The following PRDM14 variants were observed in gnomAD, a reference collection of about 807,000 sequenced individuals.
PRDM14 encodes PR/SET domain 14.
A neutral mutation model predicts 48.0 loss-of-function variants in PRDM14; 16 were observed. That is an observed-to-expected ratio of 0.33 (90% CI 0.23 to 0.51). The LOEUF (loss-of-function observed/expected upper bound fraction) is 0.51, where lower values mean the gene tolerates loss of function less well. PRDM14 is among the 20% of genes least tolerant of loss of function. The pLI is 0.97. For synonymous variants in PRDM14, 264 were observed against 276.6 expected, an observed-to-expected ratio of 0.95 and a Z score of 0.45; for missense variants, 566 against 719.6, an observed-to-expected ratio of 0.79 and a Z score of 2.44.
At chr8:70,061,424 G>A (rs550733679) in intron 5 of PRDM14, among the ~76,000 whole-genome samples, 6 of 152,312 alleles carry the variant, frequency 3.9e-5, no homozygotes, top group Non-Finnish European at 5.9e-5. Context: ...TCCCAGGCAC[G>A]TTTAACAGGT....
At chr8:70,063,470 A>G (rs1339772932) in intron 5 of PRDM14, among the ~76,000 whole-genome samples, 1 of 152,112 alleles carries the variant, frequency 6.6e-6, no homozygotes, top group Non-Finnish European at 1.5e-5. Context: ...GATAATAACC[A>G]TCTTGCCAGT....
chr8:70,061,104 G>A (rs1278843652), intron 5 of PRDM14, among the ~76,000 whole-genome samples: 1 of 152,198 alleles, frequency 6.6e-6, no homozygotes, highest in East Asian at 1.9e-4. Context: ...GGAGGAGGGA[G>A]GAGGAGAGAA....
chr8:70,065,497 G>C (rs1047338926), intron 5 of PRDM14, among the ~76,000 whole-genome samples: 1 of 152,092 alleles, frequency 6.6e-6, no homozygotes, highest in African/African-American at 2.4e-5. Context: ...ACCAGGACCA[G>C]CAGCACTCCC....
intron 1 of PRDM14, among the ~76,000 whole-genome samples, chr8:70,070,334 G>A (rs951392798): frequency 6.6e-6 from 1 of 152,090 alleles, no homozygotes; most frequent in African/African-American, 2.4e-5. Flanking sequence ...GGGCTGGGCC[G>A]GGAGCCGAGC....
At chr8:70,053,832 C>T (rs1273132985) in intron 7 of PRDM14, among the ~76,000 whole-genome samples, 1 of 152,202 alleles carries the variant, frequency 6.6e-6, no homozygotes, top group Non-Finnish European at 1.5e-5. Context: ...ACTCCTTTTA[C>T]GGCTTTACTG....
At chr8:70,066,729 TG>T (rs933144106) in intron 4 of PRDM14, among the ~76,000 whole-genome samples, 8 of 152,152 alleles carry the variant, frequency 5.3e-5, no homozygotes, top group African/African-American at 1.9e-4. Flanking sequence ...ATATTGGGTT[TG>T]TTTGTTTTTT....
At chr8:70,068,698 G>A (rs577640289) in intron 2 of PRDM14, among the ~76,000 whole-genome samples, 166 bp from the exon 3 acceptor site, 15 of 152,144 alleles carry the variant, frequency 9.9e-5, no homozygotes, top group African/African-American at 3.6e-4. Flanking sequence ...GTTCATACAC[G>A]ATTTCACTGT....
intron 5 of PRDM14, among the ~76,000 whole-genome samples, chr8:70,064,808 GCCACCACGCCTGGGCCATTTTT>G: frequency 6.6e-6 from 1 of 150,734 alleles, no homozygotes; most frequent in East Asian, 2.0e-4. Flanking sequence ...ACAGGCGTGG[GCCACCACGCCTGGGCCATTTTT>G]TTTTTAAACC....
At chr8:70,060,440 T>C (rs1359166937) in intron 5 of PRDM14, among the ~76,000 whole-genome samples, 1 of 152,102 alleles carries the variant, frequency 6.6e-6, no homozygotes, top group Non-Finnish European at 1.5e-5. Context: ...ATTGTCACAT[T>C]GTCATACCTA....
intron 5 of PRDM14, among the ~76,000 whole-genome samples, chr8:70,064,059 T>C (rs765620068): frequency 2.0e-5 from 3 of 152,154 alleles, no homozygotes; most frequent in Non-Finnish European, 1.5e-5. Flanking sequence ...TCAGAGGCGA[T>C]CAGAACAAGC....
intron 5 of PRDM14, among the ~76,000 whole-genome samples, chr8:70,059,953 C>T (rs532639951): frequency 3.3e-5 from 5 of 152,024 alleles, no homozygotes; most frequent in African/African-American, 4.8e-5. Flanking sequence ...ATTAGCCAGG[C>T]GTGGTGGTGC....
At chr8:70,070,092 G>A (rs190680665) in intron 1 of PRDM14, among the ~76,000 whole-genome samples, 39 of 152,254 alleles carry the variant, frequency 2.6e-4, no homozygotes, top group Admixed American at 1.1e-3. Context: ...AGCCCCAAAC[G>A]GAAATCTGCC....
chr8:70,069,795 G>A lies in PRDM14; in HGVS notation c.66C>T (p.Ser22=). ...QDKVCYPPES[S]PQNLAAYYTP... ...TGTAGTACGCGGCCAGGTTCTGCGG[G>A]CTGCTCTCCGGCGGGTAGCACACCT... is the stretch of plus-strand genomic sequence containing the variant. The change falls in exon 2 of 8, where the codon AGC becomes AGT. Residue 22 remains serine (S), a synonymous_variant. Transcript: ENST00000276594. 1.2e-6 allele frequency: 2 copies of A among 1,610,168 alleles called. No individual in the cohort carries two copies. Among genetic ancestry groups the A allele is most frequent in the African/African-American group, 1.3e-5 (1 of 75,002 alleles).
At chr8:70,057,421 T>TCGGCTCACTGCAACCCCA (rs1805495202) in intron 6 of PRDM14, among the ~76,000 whole-genome samples, 1 of 151,574 alleles carries the variant, frequency 6.6e-6, no homozygotes, top group Admixed American at 6.6e-5. Flanking sequence ...CCTCCGCCTC[T>TCGGCTCACTGCAACCCCA]GGGGTTGAAG....
At chr8:70,053,866 A>G (rs893311384) in intron 7 of PRDM14, among the ~76,000 whole-genome samples, 5 of 152,178 alleles carry the variant, frequency 3.3e-5, no homozygotes, top group African/African-American at 1.2e-4. Flanking sequence ...TGACTCAGTG[A>G]CTGAAAACAT....
At chr8:70,060,185 G>C (rs1805553134) in intron 5 of PRDM14, among the ~76,000 whole-genome samples, 1 of 151,294 alleles carries the variant, frequency 6.6e-6, no homozygotes, top group African/African-American at 2.4e-5. Context: ...CAGATCGCTT[G>C]AGCCCAGGAG....
chr8:70,062,082 A>G (rs987963863), intron 5 of PRDM14, among the ~76,000 whole-genome samples: 3 of 152,224 alleles, frequency 2.0e-5, no homozygotes, highest in African/African-American at 7.2e-5. Context: ...AGATTAACAA[A>G]TTAACATTCA....
chr8:70,058,876 T>C, intron 5 of PRDM14, 34 bp from the exon 6 acceptor site: 1 of 1,520,422 alleles, frequency 6.6e-7, no homozygotes, highest in South Asian at 1.1e-5. Flanking sequence ...GTCTCTTCAG[T>C]TACTTCCCTC....
Position 70,066,217 on chromosome 8 carries a change from G to A in PRDM14, c.1183+18C>T. 1 of 1,609,850 alleles carries A rather than the reference G, an allele frequency of 6.2e-7. No homozygotes were observed. Among genetic ancestry groups the A allele is most frequent in the Non-Finnish European group, 8.5e-7 (1 of 1,178,426 alleles). ...TACTGGGATGCCCTCATTGGGCAAG[G>A]CGAGGGTGTGCACTCACCTTCAGAG... is the stretch of plus-strand genomic sequence containing the variant. On this transcript the variant is annotated intron_variant, in intron 5 of 7. Coordinates refer to ENST00000276594, the MANE Select transcript of PRDM14 (RefSeq NM_024504.4).
Sources: allele counts gnomAD v4.1 joint callset (sites outside exome capture counted in the v4.1 genomes callset), GRCh38; gene constraint gnomAD v4.1.1; transcripts MANE v1.5; gene names NCBI Gene and HGNC (gene_info 2026-07-23, HGNC 2026-07-21).